RANBP17: variants seen among roughly 807,000 people sequenced by gnomAD.
RANBP17 encodes the protein RAN binding protein 17, also known as ran-binding protein 17.
In RANBP17, 158 loss-of-function variants were observed where a neutral mutation model predicts 141.2. The ratio of observed to expected loss-of-function variants is 1.12; its 90% CI spans 0.98 to 1.28. The LOEUF (loss-of-function observed/expected upper bound fraction) is 1.28. Among genes scored for constraint, RANBP17 ranks in the 50% most tolerant of loss-of-function variants. The pLI, the probability that RANBP17 is intolerant of heterozygous loss-of-function variation, is 0.00. For synonymous variants in RANBP17, 430 were observed against 450.0 expected (o/e 0.96, Z 0.56); for missense variants, 1,438 against 1,290.7 (o/e 1.11, Z -1.75).
At chr5:171,025,577 C>CTT (rs1561999893) in intron 14 of RANBP17, among the ~76,000 whole-genome samples, 1 of 137,962 alleles carries the variant, frequency 7.2e-6, no homozygotes. Flanking sequence ...TTTTTTTTTT[C>CTT]TTTTTTTCTT....
chr5:171,219,900 A>G (rs1258359992), intron 21 of RANBP17, among the ~76,000 whole-genome samples: 5 of 152,110 alleles, frequency 3.3e-5, no homozygotes, highest in African/African-American at 1.2e-4. Context: ...CTGTCAATTC[A>G]TCAAACTCAT....
chr5:170,921,050 C>G (rs1258488111), intron 11 of RANBP17, among the ~76,000 whole-genome samples: 5 of 152,120 alleles, frequency 3.3e-5, no homozygotes, highest in African/African-American at 9.7e-5. Context: ...TGCCTGTTCA[C>G]TCTGATGATG....
At chr5:171,269,581 A>G (rs771555466) in intron 25 of RANBP17, among the ~76,000 whole-genome samples, 11 of 152,214 alleles carry the variant, frequency 7.2e-5, no homozygotes, top group Non-Finnish European at 1.3e-4. Flanking sequence ...CCAAGACCTT[A>G]TAAATCAGCC....
At chr5:171,071,526 AT>A (rs1375870626) in intron 14 of RANBP17, among the ~76,000 whole-genome samples, 2 of 151,982 alleles carry the variant, frequency 1.3e-5, no homozygotes, top group Admixed American at 6.6e-5. Flanking sequence ...GTGAGACAGA[AT>A]AGAGAGCTCA....
intron 1 of RANBP17, among the ~76,000 whole-genome samples, chr5:170,875,219 C>A (rs1218489990): frequency 1.3e-5 from 2 of 152,170 alleles, no homozygotes; most frequent in East Asian, 3.9e-4. Context: ...ATGGGCTTCC[C>A]TTTGTAGGTG....
intron 10 of RANBP17, 32 bp downstream of exon 10, chr5:170,918,891 T>C (rs1371576828): frequency 2.1e-6 from 3 of 1,428,962 alleles, no homozygotes; most frequent in African/African-American, 2.9e-5. Flanking sequence ...TGTTAAACTG[T>C]AGCCAGTTTT....
chr5:170,882,475 T>C (rs1009810187), intron 3 of RANBP17, among the ~76,000 whole-genome samples: 3 of 152,190 alleles, frequency 2.0e-5, no homozygotes, highest in Admixed American at 1.3e-4. Flanking sequence ...AATAAGATTT[T>C]TGAGTTATCC....
chr5:171,231,751 A>G (rs575824191), intron 22 of RANBP17, among the ~76,000 whole-genome samples: 5 of 152,330 alleles, frequency 3.3e-5, no homozygotes, highest in African/African-American at 1.2e-4. Context: ...CTCCATGGAA[A>G]AGCAAGAATT....
intron 14 of RANBP17, among the ~76,000 whole-genome samples, chr5:171,044,240 C>A (rs913982714): frequency 4.0e-5 from 6 of 151,828 alleles, no homozygotes; most frequent in Non-Finnish European, 7.4e-5. Flanking sequence ...TCTTAAAGAA[C>A]TAGAAATCTG....
At chr5:170,907,978 A>G (rs1771207895) in intron 5 of RANBP17, among the ~76,000 whole-genome samples, 1 of 151,974 alleles carries the variant, frequency 6.6e-6, no homozygotes, top group Admixed American at 6.6e-5. Flanking sequence ...ATGAAATACC[A>G]TTTCACACCA....
intron 13 of RANBP17, among the ~76,000 whole-genome samples, chr5:170,963,070 A>G (rs959863573): frequency 6.6e-6 from 1 of 152,214 alleles, no homozygotes; most frequent in Non-Finnish European, 1.5e-5. Flanking sequence ...CATTAAAAAC[A>G]GTGCTTTGGA....
intron 25 of RANBP17, among the ~76,000 whole-genome samples, chr5:171,272,105 T>C (rs1767152676): frequency 6.6e-6 from 1 of 152,106 alleles, no homozygotes; most frequent in Non-Finnish European, 1.5e-5. Context: ...GAAAACTAAA[T>C]ACAGCATGTT....
chr5:171,048,247 A>G (rs889109172), intron 14 of RANBP17, among the ~76,000 whole-genome samples: 1 of 152,002 alleles, frequency 6.6e-6, no homozygotes, highest in East Asian at 1.9e-4. Context: ...TTTTGTAGAG[A>G]CATCTTCTTT....
chr5:171,284,227 C>T (rs931115919), intron 25 of RANBP17, among the ~76,000 whole-genome samples: 1 of 152,222 alleles, frequency 6.6e-6, no homozygotes, highest in Non-Finnish European at 1.5e-5. Context: ...CACCTCTACA[C>T]TACCTGTAGC....
At chr5:170,914,263 T>C in intron 8 of RANBP17, 23 bp downstream of exon 8, 1 of 1,497,354 alleles carries the variant, frequency 6.7e-7, no homozygotes, top group Non-Finnish European at 9.3e-7. Flanking sequence ...CATTCGTTAT[T>C]TCGTTAAAAA....
At chr5:171,089,333 C>A (rs975219381) in intron 14 of RANBP17, among the ~76,000 whole-genome samples, 2 of 140,190 alleles carry the variant, frequency 1.4e-5, no homozygotes, top group Non-Finnish European at 3.1e-5. Context: ...TCTCCAGCTG[C>A]GTGCTGGGAG....
At position 170,916,500 on chromosome 5, in the gene RANBP17, A is replaced by G. The variant is rs1299538567; in HGVS notation, c.870A>G (p.Arg290=). The G allele has an allele frequency of 6.4e-7, 1 of 1,574,550 alleles. No homozygotes were observed. Among genetic ancestry groups the G allele is most frequent in the Admixed American group, 1.8e-5 (1 of 55,138 alleles). ...GTTTAGTTCAGTTTGCTTCGACAAG[A>G]AGGTCCTTATTTAACAGTCCTGAAC... The part of the protein sequence containing the change: ...LSCLVQFAST[R]RSLFNSPERA... Residue 290 remains arginine, a synonymous_variant, in exon 9 of 28, where the codon AGA becomes AGG. Transcript: ENST00000523189.
At chr5:171,104,326 C>T (rs771916196) in intron 14 of RANBP17, among the ~76,000 whole-genome samples, 5 of 152,132 alleles carry the variant, frequency 3.3e-5, no homozygotes, top group African/African-American at 7.2e-5. Flanking sequence ...GGTGAGCCAC[C>T]GCGCCTGGCC....
chr5:171,262,893 A>G (rs887227502), intron 24 of RANBP17, among the ~76,000 whole-genome samples: 1 of 152,130 alleles, frequency 6.6e-6, no homozygotes, highest in African/African-American at 2.4e-5. Flanking sequence ...ATCCTGTATT[A>G]GCTACCATTT....
Sources: allele counts gnomAD v4.1 joint callset (sites outside exome capture counted in the v4.1 genomes callset), GRCh38; gene constraint gnomAD v4.1.1; transcripts MANE v1.5; gene names NCBI Gene and HGNC (gene_info 2026-07-23, HGNC 2026-07-21).